Variants in MEGF10 observed in about 807,000 individuals in gnomAD.
MEGF10 encodes the protein multiple EGF like domains 10.
A neutral mutation model predicts 147.5 loss-of-function variants in MEGF10; 86 were observed. The ratio of observed to expected loss-of-function variants is 0.58; its 90% confidence interval spans 0.49 to 0.70. The LOEUF (loss-of-function observed/expected upper bound fraction) is 0.70. MEGF10 is among the 30% of genes least tolerant of loss of function. The pLI is 0.00. For synonymous variants in MEGF10, 478 were observed against 525.5 expected, an observed-to-expected ratio of 0.91 and a Z score of 1.24; for missense variants, 1,329 against 1,487.3, an observed-to-expected ratio of 0.89 and a Z score of 1.75.
chr5:127,449,087 T>C lies in MEGF10; in HGVS notation c.2857-12T>C, dbSNP rs781699667. The C allele has an allele frequency of 5.6e-6, 9 of 1,613,984 alleles. No homozygotes were observed. The South Asian group carries it at 9.9e-5, about 18-fold the overall frequency. ...TTTGTTTTTAATCTTTCGTTGTTTA[T>C]ATTTTTAACAGTCAAAAAACAATCA... On this transcript the variant is annotated splice_polypyrimidine_tract_variant and intron_variant, in intron 21 of 24. Coordinates refer to ENST00000503335, the MANE Select transcript of MEGF10 (RefSeq NM_001256545.2).
intron 13 of MEGF10, among the ~76,000 whole-genome samples, chr5:127,432,046 C>G (rs745717643): frequency 1.1e-4 from 16 of 152,092 alleles, no homozygotes; most frequent in Non-Finnish European, 1.8e-4. Context: ...CATTTAAACC[C>G]CAATTGGTTT....
chr5:127,351,177 T>G (rs1052288407), intron 4 of MEGF10, among the ~76,000 whole-genome samples: 5 of 152,214 alleles, frequency 3.3e-5, no homozygotes, highest in Admixed American at 6.5e-5. Flanking sequence ...ATTTTTTAAT[T>G]ACCTAAAATT....
chr5:127,388,993 G>T (rs541175187), intron 5 of MEGF10, among the ~76,000 whole-genome samples: 5 of 152,262 alleles, frequency 3.3e-5, no homozygotes, highest in Admixed American at 3.3e-4. Context: ...TAGAAAGAGT[G>T]CTGGTTTCAT....
intron 1 of MEGF10, among the ~76,000 whole-genome samples, chr5:127,310,768 T>G (rs965636914): frequency 1.3e-5 from 2 of 152,134 alleles, no homozygotes; most frequent in Admixed American, 1.3e-4. Context: ...CAATCATTTG[T>G]AGTATAGGGG....
chr5:127,235,559 A>C, the MEGF10 span, among the ~76,000 whole-genome samples: 76,335 of 152,084 alleles, frequency 0.5, 19,420 homozygotes, highest in Middle Eastern at 0.6. Context: ...CAGTAACTGC[A>C]TGTCATCCAG....
intron 4 of MEGF10, among the ~76,000 whole-genome samples, chr5:127,347,234 T>C (rs1019312049): frequency 2.0e-5 from 3 of 152,106 alleles, no homozygotes; most frequent in Non-Finnish European, 4.4e-5. Context: ...CATATACATA[T>C]GTGTACTTGT....
Position 127,391,094 on chromosome 5 carries a change from G to GTGCA in MEGF10, c.413-5438_413-5437insTGCA, listed in dbSNP as rs1763651475. 2.5e-4 allele frequency among the ~76,000 whole-genome samples: 6 copies of GTGCA among 24,422 alleles called. 1 individual carries two copies. The highest frequency in any genetic ancestry group is 8.6e-4 in the Non-Finnish European group (5 of 5,816). 16.0% of individuals were successfully genotyped at this position (24,422 alleles called of 152,430 possible). A position where few individuals can be genotyped will look rare whatever the true frequency, so the allele number is the denominator to read the frequency against. On this transcript the variant is annotated intron_variant, in intron 5 of 24. Coordinates refer to ENST00000503335, the MANE Select transcript of MEGF10 (RefSeq NM_001256545.2). ...TATACATACATACACACATGCGCGCGCGCGCGCGCACACACACACACACAC... is the reference window on the plus strand; with the variant it reads ...TATACATACATACACACATGCGCGCGTGCACGCGCGCGCACACACACACACACAC...
chr5:127,438,275 G>A (rs1054558333), intron 16 of MEGF10, among the ~76,000 whole-genome samples, 164 bp from the exon 17 acceptor site: 2 of 152,164 alleles, frequency 1.3e-5, no homozygotes, highest in African/African-American at 2.4e-5. Context: ...AGTTGCCATG[G>A]CCATCTGGGA....
the MEGF10 span, among the ~76,000 whole-genome samples, chr5:127,260,138 C>T: frequency 2.6e-5 from 4 of 152,006 alleles, no homozygotes; most frequent in South Asian, 8.3e-4. Flanking sequence ...GCCTGGGCAA[C>T]AGAGTGAGTC....
rs750492178 is a variant in MEGF10 at position 127,445,506 on chromosome 5, T to C, written c.2541T>C (p.Thr847=). The change falls in exon 20 of 25, where the codon ACT becomes ACC. Residue 847 remains threonine, a synonymous_variant. Coordinates refer to ENST00000503335, the MANE Select transcript of MEGF10 (RefSeq NM_001256545.2). ...GNLNSLSRTS[T]ALPADSYQIG... is the part of the protein sequence containing the mutation. ...TGAACAGCTTAAGCCGAACCAGTAC[T>C]GCTCTCCCTGCTGATTCCTACCAGA... is the stretch of plus-strand genomic sequence containing the variant. The C allele has an allele frequency of 1.2e-6, 2 of 1,614,180 alleles. No individual in the cohort carries two copies. The highest frequency in any genetic ancestry group is 1.7e-5 in the Admixed American group (1 of 60,022).
intron 13 of MEGF10, among the ~76,000 whole-genome samples, chr5:127,428,365 A>G (rs1481328867): frequency 6.6e-6 from 1 of 152,124 alleles, no homozygotes; most frequent in East Asian, 1.9e-4. Flanking sequence ...TGCTGGGAAC[A>G]CAGAGAGGAA....
At chr5:127,381,661 CTTTTTG>C (rs748295659) in intron 5 of MEGF10, among the ~76,000 whole-genome samples, 14 of 152,066 alleles carry the variant, frequency 9.2e-5, no homozygotes, top group South Asian at 2.1e-4. Context: ...GTTGTTGTTT[CTTTTTG>C]TTTTTGTTTT....
In MEGF10 at chr5:127,335,608, A is replaced by G. The variant is rs554443388; in HGVS notation, c.117-3512A>G. 1.3e-4 allele frequency among the ~76,000 whole-genome samples: 20 copies of G among 152,308 alleles called. No individual in the cohort carries two copies. The South Asian group carries it at 4.1e-3, about 32-fold the overall frequency. On this transcript the variant is annotated intron_variant, in intron 2 of 24. Transcript: ENST00000503335. ...GGTATTGAGCAAAATAGGTGTAGTC[A>G]CTTACAAAGTATTTGGCAGTCATAA...
chr5:127,318,153 A>G (rs996844564), intron 1 of MEGF10, among the ~76,000 whole-genome samples: 1 of 152,186 alleles, frequency 6.6e-6, no homozygotes, highest in African/African-American at 2.4e-5. Context: ...GTGAGAACAC[A>G]AGGAGAAGGT....
the MEGF10 span, among the ~76,000 whole-genome samples, chr5:127,232,424 G>C: frequency 1.3e-5 from 2 of 152,202 alleles, no homozygotes; most frequent in African/African-American, 4.8e-5. Flanking sequence ...ACAATCCTGT[G>C]ATCCCTGAGC....
chr5:127,433,655 T>G, intron 14 of MEGF10, 146 bp downstream of exon 14: 1 of 952,820 alleles, frequency 1.0e-6, no homozygotes, highest in Non-Finnish European at 1.5e-6. Flanking sequence ...ACTTGTCCTT[T>G]GCAGAACTGT....
intron 5 of MEGF10, among the ~76,000 whole-genome samples, chr5:127,371,602 T>C (rs1034536987): frequency 6.6e-6 from 1 of 152,220 alleles, no homozygotes; most frequent in Non-Finnish European, 1.5e-5. Context: ...TTCAGTTGTA[T>C]TCATACTTTG....
the MEGF10 span, among the ~76,000 whole-genome samples, chr5:127,273,235 G>C: frequency 6.6e-6 from 1 of 152,222 alleles, no homozygotes; most frequent in African/African-American, 2.4e-5. Context: ...ATCTGTGGGA[G>C]AAGTGTGGTT....
chr5:127,258,654 A>G, the MEGF10 span, among the ~76,000 whole-genome samples: 1 of 152,182 alleles, frequency 6.6e-6, no homozygotes, highest in Non-Finnish European at 1.5e-5. Context: ...GGGGCCTCTA[A>G]TAGGTATTTA....
Sources: gnomAD v4.1 joint callset for allele counts (sites outside exome capture counted in the v4.1 genomes callset) on GRCh38, gnomAD v4.1.1 for gene constraint, MANE v1.5 for transcripts, NCBI Gene and HGNC (gene_info 2026-07-23, HGNC 2026-07-21) for gene names.